Variants in WDR33 observed in about 807,000 individuals in gnomAD.
WDR33 encodes WD repeat domain 33.
WDR33 carries 47 observed loss-of-function variants against 164.9 expected under a neutral mutation model. That is an observed-to-expected ratio of 0.29 (90% CI 0.23 to 0.36). WDR33 has a LOEUF of 0.36. WDR33 is among the 10% of genes least tolerant of loss of function. WDR33 has a pLI of 1.00. For synonymous variants in WDR33, 505 were observed against 589.0 expected (o/e 0.86, Z 2.06); for missense variants, 1,137 against 1,754.1 (o/e 0.65, Z 6.28).
At chr2:127,743,637 A>G (rs973711098) in intron 7 of WDR33, among the ~76,000 whole-genome samples, 8 of 152,256 alleles carry the variant, frequency 5.3e-5, no homozygotes, top group Admixed American at 5.2e-4. Flanking sequence ...CAAACGGCAG[A>G]AGTGGAAACA....
At position 127,735,929 on chromosome 2, in the gene WDR33, A is replaced by C; in HGVS notation, c.725-9152T>G. 1 of 985,454 alleles carries C rather than the reference A, an allele frequency of 1.0e-6. No homozygotes were observed. The highest frequency in any genetic ancestry group is 1.2e-6 in the Non-Finnish European group (1 of 829,926). The allele number at this position is 985,454 out of a possible 1,614,324, so 61.0% of individuals were successfully genotyped here. On this transcript the variant is annotated intron_variant, in intron 7 of 21. Transcript: ENST00000322313. This position sits in a 1 kb window ranked among gnomAD's most constrained non-coding sequence, Gnocchi z 4.3. ...AGTTACATCAGTGAAAAACTATAGA[A>C]TTAAATGGAAAGTTAATTCTGGAAA...
chr2:127,782,372 C>T (rs1688403167), intron 1 of WDR33, among the ~76,000 whole-genome samples: 1 of 152,162 alleles, frequency 6.6e-6, no homozygotes, highest in Non-Finnish European at 1.5e-5. Flanking sequence ...TGCACCACTG[C>T]ACTCCAGCCT....
chr2:127,708,608 A>G lies in WDR33; in HGVS notation c.3781+69T>C. On this transcript the variant is annotated intron_variant, in intron 21 of 21. Coordinates refer to ENST00000322313, the MANE Select transcript of WDR33 (RefSeq NM_018383.5). The surrounding 1 kb of genome is among the most constrained non-coding windows in gnomAD (Gnocchi z 6.7). ...CAGCCCAGGCTGCAAGGGCATGTGC[A>G]GCAGATACAGGCAAGGCCTCCATCG... The G allele has an allele frequency of 6.8e-7, 1 of 1,481,118 alleles. No homozygotes were observed. The highest frequency in any genetic ancestry group is 1.3e-5 in the South Asian group (1 of 74,618). The allele number at this position is 1,481,118 out of a possible 1,614,324, so 91.7% of individuals were successfully genotyped here.
intron 7 of WDR33, among the ~76,000 whole-genome samples, chr2:127,743,439 C>T (rs1459948345): frequency 6.6e-6 from 1 of 152,140 alleles, no homozygotes; most frequent in African/African-American, 2.4e-5. Flanking sequence ...ACAAGATTAT[C>T]ACTCTTTCTG....
intron 1 of WDR33, among the ~76,000 whole-genome samples, chr2:127,806,771 C>A (rs937226996): frequency 1.3e-5 from 2 of 151,252 alleles, no homozygotes; most frequent in African/African-American, 2.4e-5. Flanking sequence ...ATGTTTTCAG[C>A]TGGAGACTGG....
intron 18 of WDR33, among the ~76,000 whole-genome samples, chr2:127,711,780 A>ATATATATTTTTTTTTTTTTTT: frequency 2.2e-4 from 19 of 88,294 alleles, no homozygotes; most frequent in African/African-American, 1.2e-3. Context: ...ATATATATAT[A>ATATATATTTTTTTTTTTTTTT]TTTTTTTTTT....
chr2:127,795,365 T>C (rs1046044226), intron 1 of WDR33, among the ~76,000 whole-genome samples: 2 of 151,716 alleles, frequency 1.3e-5, no homozygotes, highest in African/African-American at 2.4e-5. Flanking sequence ...TCCCAAAGTG[T>C]TGGGATTAAA....
At chr2:127,732,429 C>A (rs1236908560) in intron 7 of WDR33, among the ~76,000 whole-genome samples, 1 of 152,032 alleles carries the variant, frequency 6.6e-6, no homozygotes, top group African/African-American at 2.4e-5. Flanking sequence ...TCAAATAATC[C>A]TCCTACCTCA....
intron 7 of WDR33, among the ~76,000 whole-genome samples, chr2:127,758,909 G>A (rs909766144): frequency 6.6e-6 from 1 of 151,958 alleles, no homozygotes; most frequent in Non-Finnish European, 1.5e-5. Flanking sequence ...CTTGCATATA[G>A]GATACTCGTT....
At chr2:127,767,149 G>A (rs1489884012) in intron 4 of WDR33, among the ~76,000 whole-genome samples, 2 of 151,896 alleles carry the variant, frequency 1.3e-5, no homozygotes, top group African/African-American at 4.8e-5. Flanking sequence ...GGACTTCTTG[G>A]TTCTCCCTGC....
rs1457567108 is a variant in WDR33 at position 127,741,316 on chromosome 2, G to A, written c.725-14539C>T. The stretch of plus-strand genomic sequence containing the variant: ...GGAGGGCAAAGAGAGAATGGGAGAG[G>A]AGGAGAAAAAGAGAAAAGAGAAGGG... On this transcript the variant is annotated intron_variant, in intron 7 of 21. Transcript: ENST00000322313. This position sits in a 1 kb window ranked among gnomAD's most constrained non-coding sequence, Gnocchi z 4.1. Among the ~76,000 whole-genome samples, 1 of 152,150 alleles carries A rather than the reference G, an allele frequency of 6.6e-6. No homozygotes were observed. The highest frequency in any genetic ancestry group is 1.5e-5 in the Non-Finnish European group (1 of 68,024).
intron 7 of WDR33, among the ~76,000 whole-genome samples, chr2:127,742,888 C>T (rs552250083): frequency 1.6e-4 from 24 of 150,788 alleles, no homozygotes; most frequent in Non-Finnish European, 2.8e-4. Flanking sequence ...AAAAAACACC[C>T]CTCAGAGAAA....
Position 127,704,227 on chromosome 2 carries a change from A to G in WDR33, c.*2096T>C, listed in dbSNP as rs774895750. ...ACAGTGATGTTTTTAAATGCCATAT[A>G]TATTTAATAAGTATAATGTAGAGGT... On this transcript the variant is annotated 3_prime_UTR_variant, in exon 22 of 22. Coordinates refer to ENST00000322313, the MANE Select transcript of WDR33 (RefSeq NM_018383.5). 4.6e-4 allele frequency: 77 copies of G among 166,786 alleles called. No homozygotes were observed. The highest frequency in any genetic ancestry group is 1.0e-3 in the Non-Finnish European group (70 of 68,086). The allele number at this position is 166,786 out of a possible 1,614,324, so 10.3% of individuals were successfully genotyped here.
chr2:127,742,808 A>G (rs1687055806), intron 7 of WDR33, among the ~76,000 whole-genome samples: 1 of 151,802 alleles, frequency 6.6e-6, no homozygotes, highest in Non-Finnish European at 1.5e-5. Context: ...ACTGCAGATG[A>G]CAGTATGCCA....
In WDR33 at chr2:127,703,421, C is replaced by T. The variant is rs992626151; in HGVS notation, c.*2902G>A. On this transcript the variant is annotated 3_prime_UTR_variant, in exon 22 of 22. Transcript: ENST00000322313. ...GAGCTGGATCCCAGTGTTGCCTTAA[C>T]AGGGTGTCTGTCGTGCCGCAGTAGA... The T allele has an allele frequency of 3.0e-5, 5 of 167,096 alleles. No individual in the cohort carries two copies. The highest frequency in any genetic ancestry group is 7.3e-5 in the Non-Finnish European group (5 of 68,128). 10.4% of individuals were successfully genotyped at this position (167,096 alleles called of 1,614,324 possible). A position where few individuals can be genotyped will look rare whatever the true frequency, so the allele number is the denominator to read the frequency against.
chr2:127,801,217 G>A (rs1689228626), intron 1 of WDR33, among the ~76,000 whole-genome samples: 1 of 152,156 alleles, frequency 6.6e-6, no homozygotes, highest in Admixed American at 6.5e-5. Context: ...CCGGGACGTT[G>A]AGGCACAGTG....
At chr2:127,780,436 G>A (rs72968990) in intron 1 of WDR33, among the ~76,000 whole-genome samples, 2,527 of 152,174 alleles carry the variant, frequency 0.017, 19 homozygotes, top group East Asian at 0.03. Flanking sequence ...CGGCAGGCTA[G>A]ACCAGTAACA....
At chr2:127,766,166 T>C (rs1379886779) in intron 4 of WDR33, among the ~76,000 whole-genome samples, 1 of 151,716 alleles carries the variant, frequency 6.6e-6, no homozygotes, top group Non-Finnish European at 1.5e-5. Context: ...GTTTTTACTT[T>C]TTATTTTCAA....
Position 127,786,696 on chromosome 2 carries a change from T to C in WDR33, c.-23-15692A>G, listed in dbSNP as rs370657334. ...AAGACTCTGTCTCAAAATATATATA[T>C]GTATTTTTTTTAAATATGCTGTCCA... On this transcript the variant is annotated intron_variant, in intron 1 of 21. Coordinates refer to ENST00000322313, the MANE Select transcript of WDR33 (RefSeq NM_018383.5). Among the ~76,000 whole-genome samples the C allele has an allele frequency of 3.3e-5, 5 of 152,112 alleles. No homozygotes were observed. In the South Asian group the frequency reaches 6.2e-4, roughly 19 times the overall value.
Sources: allele counts gnomAD v4.1 joint callset (sites outside exome capture counted in the v4.1 genomes callset), GRCh38; gene constraint gnomAD v4.1.1; non-coding constraint Gnocchi (gnomAD v3.1); transcripts MANE v1.5; gene names NCBI Gene and HGNC (gene_info 2026-07-23, HGNC 2026-07-21).